PPM1E: variants seen among roughly 807,000 people sequenced by gnomAD.
PPM1E encodes the protein protein phosphatase, Mg2+/Mn2+ dependent 1E, also known as protein phosphatase 1E.
Under a neutral mutation model 65.9 loss-of-function variants are expected in PPM1E, and 20 were observed. The ratio of observed to expected loss-of-function variants is 0.30; its 90% CI spans 0.21 to 0.44. The LOEUF (loss-of-function observed/expected upper bound fraction) is 0.44. Among genes scored for constraint, PPM1E ranks in the 20% least tolerant of loss-of-function variants. PPM1E has a pLI of 1.00. For missense variants in PPM1E, 713 were observed against 953.1 expected, an observed-to-expected ratio of 0.75 and a Z score of 3.32; for synonymous variants, 352 against 374.9, an observed-to-expected ratio of 0.94 and a Z score of 0.70.
At chr17:58,801,021 G>T (rs1307672249) in intron 1 of PPM1E, among the ~76,000 whole-genome samples, 3 of 152,042 alleles carry the variant, frequency 2.0e-5, no homozygotes, top group African/African-American at 7.2e-5. Flanking sequence ...TGGGGTCAGA[G>T]AACATACCCT....
At chr17:58,870,835 C>T (rs532465683) in intron 1 of PPM1E, among the ~76,000 whole-genome samples, 1 of 152,154 alleles carries the variant, frequency 6.6e-6, no homozygotes, top group Non-Finnish European at 1.5e-5. Context: ...GTTTTAGATG[C>T]ATGATTACCC....
chr17:58,922,651 T>C (rs530248266), intron 1 of PPM1E, among the ~76,000 whole-genome samples: 3 of 152,048 alleles, frequency 2.0e-5, no homozygotes, highest in African/African-American at 7.2e-5. Flanking sequence ...AGGTTTTCAC[T>C]GTAGTGAACA....
intron 2 of PPM1E, among the ~76,000 whole-genome samples, chr17:58,965,064 G>GTA (rs1173980053): frequency 1.0e-4 from 15 of 143,614 alleles, no homozygotes; most frequent in African/African-American, 1.5e-4. Flanking sequence ...AAAAAAAAAA[G>GTA]TATATATATA....
At chr17:58,924,249 A>G (rs2051794845) in intron 1 of PPM1E, among the ~76,000 whole-genome samples, 3 of 141,088 alleles carry the variant, frequency 2.1e-5, no homozygotes, top group Admixed American at 7.0e-5. Context: ...AAAGAAAAAA[A>G]GGAAGGAAGG....
At chr17:58,877,697 G>T (rs9899779) in intron 1 of PPM1E, among the ~76,000 whole-genome samples, 152,004 of 152,318 alleles carry the variant, frequency 1, 75,845 homozygotes, top group Middle Eastern at 1. Context: ...AGCAGTTAGT[G>T]TGAATCACAG....
At chr17:58,894,753 TTAA>T (rs1371430632) in intron 1 of PPM1E, among the ~76,000 whole-genome samples, 1 of 152,172 alleles carries the variant, frequency 6.6e-6, no homozygotes, top group Non-Finnish European at 1.5e-5. Flanking sequence ...TAATGTTTTT[TTAA>T]TAATATACTC....
chr17:58,859,784 CCAT>C (rs1404260813), intron 1 of PPM1E, among the ~76,000 whole-genome samples: 1 of 152,228 alleles, frequency 6.6e-6, no homozygotes, highest in African/African-American at 2.4e-5. Context: ...GCTTCCACCA[CCAT>C]GTTTCCCAAG....
At chr17:58,791,742 A>G (rs546010972) in intron 1 of PPM1E, among the ~76,000 whole-genome samples, 1 of 152,168 alleles carries the variant, frequency 6.6e-6, no homozygotes, top group Non-Finnish European at 1.5e-5. Context: ...AATGGGCTAC[A>G]TCACATGTAT....
At chr17:58,895,506 A>G (rs1396220606) in intron 1 of PPM1E, among the ~76,000 whole-genome samples, 2 of 152,142 alleles carry the variant, frequency 1.3e-5, no homozygotes, top group Non-Finnish European at 2.9e-5. Context: ...GAGCTCATGA[A>G]TGATAAGAAA....
chr17:58,901,678 AAAT>A (rs1452987456), intron 1 of PPM1E, among the ~76,000 whole-genome samples: 1 of 150,138 alleles, frequency 6.7e-6, no homozygotes, highest in Non-Finnish European at 1.5e-5. Flanking sequence ...CTGTCTCAAA[AAAT>A]AATAATAAAA....
chr17:58,971,087 C>G (rs1379563137), intron 4 of PPM1E, among the ~76,000 whole-genome samples: 2 of 152,080 alleles, frequency 1.3e-5, no homozygotes, highest in African/African-American at 4.8e-5. Flanking sequence ...CGCCCCTTTT[C>G]TCCTTCTTAT....
chr17:58,873,565 G>GTAAT (rs150532868), intron 1 of PPM1E, among the ~76,000 whole-genome samples: 2 of 141,012 alleles, frequency 1.4e-5, no homozygotes, highest in African/African-American at 5.2e-5. Context: ...AATGCTCATA[G>GTAAT]TATTATTATT....
chr17:58,875,537 A>G (rs1022645356), intron 1 of PPM1E, among the ~76,000 whole-genome samples: 11 of 152,312 alleles, frequency 7.2e-5, no homozygotes, highest in Non-Finnish European at 1.0e-4. Context: ...TTTGACACCA[A>G]TGTGGCAGAA....
intron 1 of PPM1E, among the ~76,000 whole-genome samples, chr17:58,940,097 T>C (rs2052043884): frequency 6.6e-6 from 1 of 152,208 alleles, no homozygotes; most frequent in Non-Finnish European, 1.5e-5. Flanking sequence ...GCTATGCTTA[T>C]TACATTTGCC....
At position 58,831,925 on chromosome 17, in the gene PPM1E, C is replaced by T. The variant is rs562242294; in HGVS notation, c.464+75464C>T. Among the ~76,000 whole-genome samples, 6 of 152,186 alleles carry T rather than the reference C, an allele frequency of 3.9e-5. No homozygotes were observed. In the East Asian group the frequency reaches 1.2e-3, roughly 29 times the overall value. On this transcript the variant is annotated intron_variant, in intron 1 of 6. Transcript: ENST00000308249. ...TTTTGAATCAGAAGTCCTGAAAGTC[C>T]AACATTATTGCCAGTGCTTTTATTG...
intron 1 of PPM1E, among the ~76,000 whole-genome samples, chr17:58,789,287 C>G (rs2050133149): frequency 6.6e-6 from 1 of 152,108 alleles, no homozygotes; most frequent in Non-Finnish European, 1.5e-5. Flanking sequence ...CAAATAGCAC[C>G]TCTTTAGGTT....
chr17:58,937,896 G>A (rs1017848074), intron 1 of PPM1E, among the ~76,000 whole-genome samples: 2,036 of 78,126 alleles, frequency 0.026, 49 homozygotes, highest in African/African-American at 0.082. Context: ...AAAAAAAAAA[G>A]AAAGAAAGAA....
intron 1 of PPM1E, among the ~76,000 whole-genome samples, chr17:58,892,456 C>T (rs944135146): frequency 6.6e-6 from 1 of 151,944 alleles, no homozygotes; most frequent in African/African-American, 2.4e-5. Flanking sequence ...GCCTATATTC[C>T]CAGCTACTCA....
intron 1 of PPM1E, among the ~76,000 whole-genome samples, chr17:58,826,749 C>G (rs899346848): frequency 5.3e-5 from 8 of 151,968 alleles, no homozygotes; most frequent in African/African-American, 1.9e-4. Context: ...CCTCACCCTC[C>G]TTTGTAGCTG....
Sources: allele counts gnomAD v4.1 joint callset (sites outside exome capture counted in the v4.1 genomes callset), GRCh38; gene constraint gnomAD v4.1.1; transcripts MANE v1.5; gene names NCBI Gene and HGNC (gene_info 2026-07-23, HGNC 2026-07-21).